TOP6BL: variants seen among roughly 807,000 people sequenced by gnomAD.
TOP6BL encodes type 2 DNA topoisomerase 6 subunit B-like.
At chr11:66,788,174 C>G in the TOP6BL span, 12 of 1,613,276 alleles carry the variant, frequency 7.4e-6, no homozygotes, top group East Asian at 2.5e-4. Flanking sequence ...ACAGTCCATA[C>G]TGCCCGGAAT....
the TOP6BL span, chr11:66,838,250 T>C: frequency 1.3e-6 from 1 of 769,154 alleles, no homozygotes; most frequent in Non-Finnish European, 2.2e-6. Context: ...GAAGAGGGAG[T>C]TCCAGGTGAG....
chr11:66,832,092 A>G, the TOP6BL span, among the ~76,000 whole-genome samples: 5 of 150,062 alleles, frequency 3.3e-5, no homozygotes, highest in Admixed American at 6.7e-5. Flanking sequence ...AAGTATGGAC[A>G]CTTTCTTTTT....
the TOP6BL span, chr11:66,745,011 G>T: frequency 1.7e-6 from 2 of 1,187,666 alleles, no homozygotes; most frequent in South Asian, 4.3e-5. Flanking sequence ...GGGGTCGGGC[G>T]TCGCCTAAGG....
the TOP6BL span, chr11:66,744,945 G>T: frequency 8.0e-7 from 1 of 1,249,360 alleles, no homozygotes; most frequent in Non-Finnish European, 1.0e-6. Context: ...GAGAGAAAGC[G>T]GAGGACACTT....
At chr11:66,831,869 C>A in the TOP6BL span, among the ~76,000 whole-genome samples, 2 of 150,898 alleles carry the variant, frequency 1.3e-5, no homozygotes, top group Non-Finnish European at 3.0e-5. Flanking sequence ...TGGTGGCAGG[C>A]AACTATAATC....
the TOP6BL span, among the ~76,000 whole-genome samples, chr11:66,768,987 G>A: frequency 2.0e-5 from 3 of 152,138 alleles, no homozygotes; most frequent in African/African-American, 7.2e-5. Flanking sequence ...TAAAATGCTT[G>A]AACTGTTACA....
chr11:66,749,664 A>G, the TOP6BL span, among the ~76,000 whole-genome samples: 1 of 152,066 alleles, frequency 6.6e-6, no homozygotes, highest in South Asian at 2.1e-4. Context: ...TCCTGGGTTC[A>G]AGCAATTCTG....
At chr11:66,761,523 G>A in the TOP6BL span, 1 of 858,312 alleles carries the variant, frequency 1.2e-6, no homozygotes. Flanking sequence ...AGTAGGATTT[G>A]TTCACTGGCC....
At chr11:66,764,456 G>A in the TOP6BL span, among the ~76,000 whole-genome samples, 161 of 145,692 alleles carry the variant, frequency 1.1e-3, 1 homozygote, top group African/African-American at 4.1e-3. Flanking sequence ...GTTTAAACCA[G>A]CCTGGTCAAC....
the TOP6BL span, chr11:66,843,391 C>T: frequency 4.9e-6 from 7 of 1,427,490 alleles, no homozygotes; most frequent in South Asian, 3.0e-5. Flanking sequence ...AGCCGCGCCG[C>T]GGCCTGACGT....
At chr11:66,814,100 A>T in the TOP6BL span, 1 of 1,393,714 alleles carries the variant, frequency 7.2e-7, no homozygotes, top group Non-Finnish European at 9.8e-7. Context: ...GAACGTGTGT[A>T]TAAAAATATG....
At chr11:66,744,898 G>T in the TOP6BL span, 1 of 1,276,586 alleles carries the variant, frequency 7.8e-7, no homozygotes, top group Admixed American at 4.2e-5. Context: ...GCATGGAGGG[G>T]ACGGCCGTGG....
chr11:66,780,483 A>G, the TOP6BL span, among the ~76,000 whole-genome samples: 1 of 152,166 alleles, frequency 6.6e-6, no homozygotes, highest in Admixed American at 6.5e-5. Flanking sequence ...TTTAAAGGAT[A>G]TTGCACTGGA....
chr11:66,756,382 G>T, the TOP6BL span: 1 of 1,182,818 alleles, frequency 8.5e-7, no homozygotes, highest in Non-Finnish European at 1.1e-6. Flanking sequence ...ACCCAGGCCG[G>T]AGTGCAGTGG....
chr11:66,770,781 T>G, the TOP6BL span, among the ~76,000 whole-genome samples: 1 of 152,080 alleles, frequency 6.6e-6, no homozygotes, highest in Non-Finnish European at 1.5e-5. Context: ...ACTTCCCTCT[T>G]CTCTTTCCTG....
At chr11:66,814,471 C>G in the TOP6BL span, among the ~76,000 whole-genome samples, 972 of 152,164 alleles carry the variant, frequency 6.4e-3, 2 homozygotes, top group Middle Eastern at 0.01. Context: ...CCATGTTGGC[C>G]AGGCTGGTCT....
At chr11:66,836,489 G>A in the TOP6BL span, among the ~76,000 whole-genome samples, 1 of 151,370 alleles carries the variant, frequency 6.6e-6, no homozygotes, top group East Asian at 2.0e-4. Flanking sequence ...GATTACAGAC[G>A]TGAGCCACCG....
At chr11:66,760,431 AGAGT>A in the TOP6BL span, among the ~76,000 whole-genome samples, 1 of 148,148 alleles carries the variant, frequency 6.8e-6, no homozygotes, top group African/African-American at 2.5e-5. Flanking sequence ...CCTGGGTGAC[AGAGT>A]GAGAGACTCT....
chr11:66,771,097 A>G, the TOP6BL span: 1 of 151,060 alleles, frequency 6.6e-6, no homozygotes, highest in African/African-American at 2.4e-5. Context: ...CACTCAATAA[A>G]TGTCTTTACC....
Sources: allele counts gnomAD v4.1 joint callset (sites outside exome capture counted in the v4.1 genomes callset), GRCh38; gene constraint gnomAD v4.1.1; transcripts MANE v1.5; gene names NCBI Gene and HGNC (gene_info 2026-07-23, HGNC 2026-07-21).